Variants in PROS1 observed in about 807,000 individuals in gnomAD.
PROS1 encodes the protein vitamin K-dependent protein S.
Under a neutral mutation model 75.9 loss-of-function variants are expected in PROS1, and 29 were observed. The ratio of observed to expected loss-of-function variants is 0.38; its 90% CI spans 0.28 to 0.52. PROS1 has a LOEUF of 0.52. PROS1 is among the 20% of genes least tolerant of loss of function. PROS1 has a pLI of 0.83. For synonymous variants in PROS1, 245 were observed against 280.6 expected (o/e 0.87, Z 1.27); for missense variants, 680 against 810.3 (o/e 0.84, Z 1.95).
At chr3:93,936,297 CTG>C (rs1559943920) in intron 1 of PROS1, among the ~76,000 whole-genome samples, 1 of 152,122 alleles carries the variant, frequency 6.6e-6, no homozygotes, top group East Asian at 1.9e-4. Flanking sequence ...GAAAAACTAA[CTG>C]TTGTTTGCTA....
intron 1 of PROS1, among the ~76,000 whole-genome samples, chr3:93,946,337 C>T (rs538771087): frequency 8.3e-4 from 126 of 152,210 alleles, no homozygotes; most frequent in African/African-American, 2.8e-3. Flanking sequence ...AAAAAGAGCC[C>T]GCATTGCCAA....
At chr3:93,918,463 T>TTA (rs1708893745) in intron 3 of PROS1, among the ~76,000 whole-genome samples, 1 of 152,012 alleles carries the variant, frequency 6.6e-6, no homozygotes, top group African/African-American at 2.4e-5. Flanking sequence ...CACACTGCCT[T>TTA]TATGAGCTGT....
Position 93,893,014 on chromosome 3 carries a change from C to A in PROS1, c.1074G>T (p.Lys358Asn). The A allele has an allele frequency of 6.2e-7, 1 of 1,613,790 alleles. No homozygotes were observed. Among genetic ancestry groups the A allele is most frequent in the Non-Finnish European group, 8.5e-7 (1 of 1,179,890 alleles). Residue 358 changes from lysine (K) to asparagine (N), a missense_variant, in exon 10 of 15, where the codon AAG (lysine) becomes AAT (asparagine). Coordinates refer to ENST00000394236, the MANE Select transcript of PROS1 (RefSeq NM_000313.4). ...GTTCATTCTTAAGCTGAACTTCAAT[C>A]TTTCCACCACGAAGTGCAATCAGGA... Reference protein sequence around the residue: ...AWLLIALRGGKIEVQLKNEHT... With the variant: ...AWLLIALRGGNIEVQLKNEHT...
intron 1 of PROS1, among the ~76,000 whole-genome samples, chr3:93,948,363 G>A (rs975033001): frequency 1.3e-5 from 2 of 152,170 alleles, no homozygotes; most frequent in African/African-American, 4.8e-5. Context: ...GCAATGTGGT[G>A]CTGAGAAGAA....
chr3:93,877,971 T>A (rs2107126739), intron 13 of PROS1, among the ~76,000 whole-genome samples: 1 of 152,352 alleles, frequency 6.6e-6, no homozygotes, highest in East Asian at 1.9e-4. Flanking sequence ...TACATGTCCG[T>A]ATCCTTAAAC....
chr3:93,880,225 A>T (rs1708256434), intron 12 of PROS1, among the ~76,000 whole-genome samples: 1 of 152,322 alleles, frequency 6.6e-6, no homozygotes, highest in Admixed American at 6.5e-5. Flanking sequence ...GAAGAAAAAA[A>T]ATATATAGAC....
intron 1 of PROS1, among the ~76,000 whole-genome samples, chr3:93,961,949 TCTC>T (rs1709711525): frequency 1.3e-5 from 2 of 151,988 alleles, no homozygotes; most frequent in South Asian, 4.1e-4. Flanking sequence ...CTACCTATTC[TCTC>T]CTCCTCAATC....
At chr3:93,954,707 A>G (rs1709569087) in intron 1 of PROS1, among the ~76,000 whole-genome samples, 1 of 152,230 alleles carries the variant, frequency 6.6e-6, no homozygotes, top group Admixed American at 6.5e-5. Context: ...AATGGCAACA[A>G]AAGCCAAAAT....
chr3:93,945,810 G>C lies in PROS1; in HGVS notation c.77-18403C>G, dbSNP rs151312155. 9.1e-3 allele frequency among the ~76,000 whole-genome samples: 1,387 copies of C among 152,264 alleles called. 25 individuals carry two copies. Among genetic ancestry groups the C allele is most frequent in the African/African-American group, 0.031 (1,301 of 41,556 alleles). Reference sequence around the variant, plus strand: ...AATAGTGTTGGAAGTTCTGGCCTGGGCAATTGGGCAGGAGAAGGAAATAAA... The same window carrying C: ...AATAGTGTTGGAAGTTCTGGCCTGGCCAATTGGGCAGGAGAAGGAAATAAA... On this transcript the variant is annotated intron_variant, in intron 1 of 14. Coordinates refer to ENST00000394236, the MANE Select transcript of PROS1 (RefSeq NM_000313.4).
Position 93,887,143 on chromosome 3 carries a change from C to T in PROS1, c.1156-640G>A, listed in dbSNP as rs9840934. Among the ~76,000 whole-genome samples, 679 of 152,118 alleles carry T rather than the reference C, an allele frequency of 4.5e-3. 8 individuals carry two copies. The highest frequency in any genetic ancestry group is 0.016 in the African/African-American group (658 of 41,524). ...CCTTGTTAGCCAGGATGGTCTCGAT[C>T]TCCTGACCTCATGATCCACCCGCCT... On this transcript the variant is annotated intron_variant, in intron 10 of 14. Transcript: ENST00000394236.
At chr3:93,886,062 T>G (rs1237454882) in intron 11 of PROS1, among the ~76,000 whole-genome samples, 2 of 152,324 alleles carry the variant, frequency 1.3e-5, no homozygotes, top group South Asian at 2.1e-4. Context: ...ACATTAGTGT[T>G]AACATTCTCA....
chr3:93,952,811 A>G (rs1165298175), intron 1 of PROS1, among the ~76,000 whole-genome samples: 1 of 152,232 alleles, frequency 6.6e-6, no homozygotes, highest in East Asian at 1.9e-4. Flanking sequence ...GAAAAGATCA[A>G]CAAAATTGTT....
chr3:93,911,198 T>C lies in PROS1; in HGVS notation c.260-493A>G, dbSNP rs538732095. 4.4e-5 allele frequency: 7 copies of C among 160,036 alleles called. No homozygotes were observed. In the South Asian group the frequency reaches 1.1e-3, roughly 25 times the overall value. 9.9% of individuals were successfully genotyped at this position (160,036 alleles called of 1,614,324 possible). ...CAGTAATATTTGTATAATGCTTCTA[T>C]ATTACAAATCAGGTTTACTTCATTC... On this transcript the variant is annotated intron_variant, in intron 3 of 14. Transcript: ENST00000394236.
chr3:93,934,954 T>C (rs1709160764), intron 1 of PROS1, among the ~76,000 whole-genome samples: 2 of 151,508 alleles, frequency 1.3e-5, no homozygotes, highest in South Asian at 2.1e-4. Context: ...AAAAAGTCAC[T>C]CTGGCGTTGT....
intron 1 of PROS1, among the ~76,000 whole-genome samples, chr3:93,961,933 T>A (rs1450006221): frequency 6.6e-6 from 1 of 152,112 alleles, no homozygotes; most frequent in African/African-American, 2.4e-5. Flanking sequence ...ATTTTTTACG[T>A]CACCCCTACC....
At chr3:93,941,346 G>C (rs533478316) in intron 1 of PROS1, among the ~76,000 whole-genome samples, 3 of 152,084 alleles carry the variant, frequency 2.0e-5, no homozygotes, top group Non-Finnish European at 4.4e-5. Flanking sequence ...ACCTAACTTG[G>C]CATAGTTCTT....
chr3:93,899,189 C>T (rs1393839536), intron 7 of PROS1, among the ~76,000 whole-genome samples: 1 of 151,394 alleles, frequency 6.6e-6, no homozygotes, highest in African/African-American at 2.4e-5. Context: ...TGTAATCTCC[C>T]ATATTATGAA....
intron 1 of PROS1, among the ~76,000 whole-genome samples, chr3:93,946,189 A>G (rs1257052624): frequency 6.6e-6 from 1 of 152,210 alleles, no homozygotes; most frequent in Non-Finnish European, 1.5e-5. Context: ...TTCCATGCTC[A>G]TGGGTAGGAA....
At chr3:93,955,191 A>G (rs978480256) in intron 1 of PROS1, among the ~76,000 whole-genome samples, 1 of 152,232 alleles carries the variant, frequency 6.6e-6, no homozygotes, top group Non-Finnish European at 1.5e-5. Flanking sequence ...ATCTAGAACT[A>G]GAAATACCAA....
Sources: gnomAD v4.1 joint callset for allele counts (sites outside exome capture counted in the v4.1 genomes callset) on GRCh38, gnomAD v4.1.1 for gene constraint, MANE v1.5 for transcripts, NCBI Gene and HGNC (gene_info 2026-07-23, HGNC 2026-07-21) for gene names.